Variants in GABRB1 observed in about 807,000 individuals in gnomAD.
The protein encoded by GABRB1 is gamma-aminobutyric acid type A receptor subunit beta1.
GABRB1 carries 17 observed loss-of-function variants against 51.6 expected under a neutral mutation model. That is an observed-to-expected ratio of 0.33 (90% CI 0.23 to 0.49). The LOEUF (loss-of-function observed/expected upper bound fraction) is 0.49. Among genes scored for constraint, GABRB1 ranks in the 20% least tolerant of loss-of-function variants. The pLI, the probability that GABRB1 is intolerant of heterozygous loss-of-function variation, is 0.99. For synonymous variants in GABRB1, 247 were observed against 218.9 expected, an observed-to-expected ratio of 1.13 and a Z score of -1.14; for missense variants, 410 against 600.6, an observed-to-expected ratio of 0.68 and a Z score of 3.32.
intron 4 of GABRB1, among the ~76,000 whole-genome samples, chr4:47,205,745 G>C: frequency 6.6e-6 from 1 of 152,092 alleles, no homozygotes; most frequent in Non-Finnish European, 1.5e-5. Flanking sequence ...TCAAGAAAGA[G>C]CTTCTGCACT....
At chr4:47,225,089 T>A (rs571274770) in intron 4 of GABRB1, among the ~76,000 whole-genome samples, 2 of 152,128 alleles carry the variant, frequency 1.3e-5, no homozygotes, top group African/African-American at 2.4e-5. Context: ...GAGATGGGAT[T>A]TCTCCATGTT....
chr4:47,074,032 C>T (rs185325103), intron 3 of GABRB1, among the ~76,000 whole-genome samples: 6 of 152,230 alleles, frequency 3.9e-5, no homozygotes, highest in Admixed American at 3.3e-4. Flanking sequence ...TTATAAGTTA[C>T]AATATGTAAT....
intron 3 of GABRB1, among the ~76,000 whole-genome samples, chr4:47,046,011 G>A (rs1324734609): frequency 6.6e-6 from 1 of 151,978 alleles, no homozygotes; most frequent in Non-Finnish European, 1.5e-5. Context: ...TGAAACATAG[G>A]GGCAGTTTCC....
rs542734684 is a variant in GABRB1 at position 47,135,083 on chromosome 4, G to C, written c.241-26166G>C. Among the ~76,000 whole-genome samples, 3 of 152,228 alleles carry C rather than the reference G, an allele frequency of 2.0e-5. No homozygotes were observed. In the South Asian group the frequency reaches 6.2e-4, roughly 32 times the overall value. ...TGCAGTGAGCTATGATCACACCACT[G>C]AACTCCAGTGTGGGCAACAGAGCAA... On this transcript the variant is annotated intron_variant, in intron 3 of 8. Coordinates refer to ENST00000295454, the MANE Select transcript of GABRB1 (RefSeq NM_000812.4).
At chr4:47,350,663 T>C (rs1010653440) in intron 5 of GABRB1, among the ~76,000 whole-genome samples, 2 of 152,122 alleles carry the variant, frequency 1.3e-5, no homozygotes, top group Admixed American at 6.6e-5. Context: ...GGTAACAGAA[T>C]GTGACTGTAT....
At chr4:47,133,152 GT>G (rs1716499001) in intron 3 of GABRB1, among the ~76,000 whole-genome samples, 1 of 152,144 alleles carries the variant, frequency 6.6e-6, no homozygotes, top group African/African-American at 2.4e-5. Context: ...AAATGTATCT[GT>G]TTTGTTAAAA....
intron 4 of GABRB1, among the ~76,000 whole-genome samples, chr4:47,178,340 T>A (rs1718788603): frequency 6.6e-6 from 1 of 152,128 alleles, no homozygotes; most frequent in Non-Finnish European, 1.5e-5. Flanking sequence ...ACTTTCAAGA[T>A]TAAATGGAAG....
intron 4 of GABRB1, 133 bp from the exon 5 acceptor site, chr4:47,319,994 G>A: frequency 1.4e-6 from 1 of 693,572 alleles, no homozygotes; most frequent in South Asian, 1.6e-5. Context: ...ATTCATAATA[G>A]TTTCTTAAAA....
intron 4 of GABRB1, among the ~76,000 whole-genome samples, chr4:47,270,476 T>G (rs1722830674): frequency 6.6e-6 from 1 of 152,194 alleles, no homozygotes; most frequent in South Asian, 2.1e-4. Context: ...AAAGTGGGAA[T>G]AATTTTTAAA....
intron 4 of GABRB1, among the ~76,000 whole-genome samples, chr4:47,237,158 C>T (rs2165612): frequency 0.99 from 150,358 of 152,116 alleles, 74,331 homozygotes; most frequent in Middle Eastern, 1. Flanking sequence ...AATTTTTAAA[C>T]ATCAAAAATG....
intron 5 of GABRB1, among the ~76,000 whole-genome samples, chr4:47,336,423 C>T (rs886813177): frequency 2.0e-5 from 3 of 152,280 alleles, no homozygotes; most frequent in African/African-American, 7.2e-5. Context: ...TTAATCTCAA[C>T]CATAACTCTA....
intron 3 of GABRB1, among the ~76,000 whole-genome samples, chr4:47,152,686 C>T (rs1717514471): frequency 1.3e-5 from 2 of 151,926 alleles, no homozygotes; most frequent in African/African-American, 4.8e-5. Flanking sequence ...CAACACAAAC[C>T]CATCTTAGAT....
intron 4 of GABRB1, among the ~76,000 whole-genome samples, chr4:47,315,718 A>G (rs1455400558): frequency 6.6e-6 from 1 of 152,020 alleles, no homozygotes; most frequent in Non-Finnish European, 1.5e-5. Context: ...GAATGAGATC[A>G]TGTCCTTTGC....
At chr4:47,393,513 T>C (rs1728079849) in intron 5 of GABRB1, among the ~76,000 whole-genome samples, 1 of 152,350 alleles carries the variant, frequency 6.6e-6, no homozygotes, top group African/African-American at 2.4e-5. Flanking sequence ...CTTACTCTTC[T>C]TGGCCCAGTT....
intron 4 of GABRB1, among the ~76,000 whole-genome samples, chr4:47,236,511 A>G (rs1721339551): frequency 6.6e-6 from 1 of 152,198 alleles, no homozygotes. Context: ...ACTGGTGAAG[A>G]AAGTATTATC....
intron 4 of GABRB1, among the ~76,000 whole-genome samples, chr4:47,297,027 T>C (rs962482737): frequency 2.6e-5 from 4 of 151,986 alleles, no homozygotes; most frequent in Non-Finnish European, 4.4e-5. Context: ...CATAATGAAA[T>C]GAAGGCAGAA....
intron 3 of GABRB1, among the ~76,000 whole-genome samples, chr4:47,098,123 G>T (rs1714536123): frequency 6.6e-6 from 1 of 150,542 alleles, no homozygotes. Context: ...CAACTATCAA[G>T]GTTCCCTGGA....
intron 7 of GABRB1, among the ~76,000 whole-genome samples, chr4:47,404,528 C>CACACACAT (rs1175767827): frequency 2.0e-5 from 3 of 150,742 alleles, no homozygotes; most frequent in South Asian, 2.1e-4. Context: ...CACACACACA[C>CACACACAT]ATCATTTCTG....
At chr4:47,311,167 G>A (rs373059799) in intron 4 of GABRB1, among the ~76,000 whole-genome samples, 9 of 151,924 alleles carry the variant, frequency 5.9e-5, no homozygotes, top group East Asian at 1.9e-4. Context: ...GCCAAGGCGG[G>A]TGGATCATTT....
Sources: gnomAD v4.1 joint callset for allele counts (sites outside exome capture counted in the v4.1 genomes callset) on GRCh38, gnomAD v4.1.1 for gene constraint, MANE v1.5 for transcripts, NCBI Gene and HGNC (gene_info 2026-07-23, HGNC 2026-07-21) for gene names.